Variants in DDX10 observed in about 807,000 individuals in gnomAD.
The protein encoded by DDX10 is probable ATP-dependent RNA helicase DDX10.
Under a neutral mutation model 104.3 loss-of-function variants are expected in DDX10, and 74 were observed. The observed-to-expected ratio is 0.71, with a 90% CI of 0.59 to 0.86. The LOEUF is 0.86. Ranked by LOEUF, DDX10 falls within the 40% of genes least tolerant of loss-of-function variation. DDX10 has a pLI of 0.00. For missense variants in DDX10, 952 were observed against 1,040.0 expected (o/e 0.92, Z 1.16); for synonymous variants, 351 against 353.4 (o/e 0.99, Z 0.08).
chr11:108,756,096 A>G (rs2094344128), intron 13 of DDX10, among the ~76,000 whole-genome samples: 1 of 151,966 alleles, frequency 6.6e-6, no homozygotes, highest in Non-Finnish European at 1.5e-5. Context: ...TTCTGGCTAT[A>G]CTGATTGTGT....
chr11:108,703,408 C>G (rs528220793), intron 9 of DDX10, among the ~76,000 whole-genome samples: 1 of 152,024 alleles, frequency 6.6e-6, no homozygotes, highest in Non-Finnish European at 1.5e-5. Context: ...CTGCTCACTG[C>G]AACCTCTGCC....
rs769948315 is a variant in DDX10, at chr11:108,678,870, ATTTTTTTTTTTT to A, written c.658+450_658+461del. ...ATTATCCTTCAGCTGGTTTCCCCTA[ATTTTTTTTTTTT>A]TTTTTTTTTTTTTTATACAGAGTTT... is the stretch of plus-strand genomic sequence containing the variant. On this transcript the variant is annotated intron_variant, in intron 5 of 17. Transcript: ENST00000322536. Among the ~76,000 whole-genome samples, 4 of 92,710 alleles carry A rather than the reference ATTTTTTTTTTTT, an allele frequency of 4.3e-5. No individual in the cohort carries two copies. In the South Asian group the frequency reaches 1.6e-3, roughly 37 times the overall value. 60.8% of individuals were successfully genotyped at this position (92,710 alleles called of 152,430 possible). A position where few individuals can be genotyped will look rare whatever the true frequency, so the allele number is the denominator to read the frequency against.
intron 13 of DDX10, among the ~76,000 whole-genome samples, chr11:108,807,090 A>G (rs1020753899): frequency 4.6e-5 from 7 of 152,178 alleles, no homozygotes; most frequent in Non-Finnish European, 1.0e-4. Context: ...GGTGCTGGAT[A>G]TTGTGGATGT....
At chr11:108,885,758 A>C (rs1863288619) in intron 16 of DDX10, among the ~76,000 whole-genome samples, 1 of 152,230 alleles carries the variant, frequency 6.6e-6, no homozygotes, top group African/African-American at 2.4e-5. Context: ...GTAGTAAGAT[A>C]AAATGCTTTT....
chr11:108,777,274 C>A (rs1041278271), intron 13 of DDX10, among the ~76,000 whole-genome samples: 2 of 152,094 alleles, frequency 1.3e-5, no homozygotes, highest in African/African-American at 4.8e-5. Flanking sequence ...GGAGCTAGAA[C>A]TCAGTCTCCA....
intron 13 of DDX10, among the ~76,000 whole-genome samples, chr11:108,724,753 A>ATT (rs1433705135): frequency 6.6e-6 from 1 of 152,116 alleles, no homozygotes; most frequent in Non-Finnish European, 1.5e-5. Flanking sequence ...AATACCATGA[A>ATT]TTGTTCACGT....
At chr11:108,923,641 A>C (rs982350775) in intron 17 of DDX10, among the ~76,000 whole-genome samples, 1 of 152,216 alleles carries the variant, frequency 6.6e-6, no homozygotes, top group South Asian at 2.1e-4. Flanking sequence ...TTTTTGTTCC[A>C]TGGAGGTTAC....
In DDX10 at chr11:108,940,920, A is replaced by G. The variant is rs1240443786; in HGVS notation, c.*497A>G. The G allele has an allele frequency of 5.4e-6, 1 of 186,252 alleles. No homozygotes were observed. Among genetic ancestry groups the G allele is most frequent in the African/African-American group, 2.3e-5 (1 of 42,686 alleles). The allele number at this position is 186,252 out of a possible 1,614,324, so 11.5% of individuals were successfully genotyped here. Reference sequence around the variant, plus strand: ...GATCAATAATAAACATATTTCCTATAAAAGAAAGTATTAATGTTTGCATTG... The same window carrying G: ...GATCAATAATAAACATATTTCCTATGAAAGAAAGTATTAATGTTTGCATTG... On this transcript the variant is annotated 3_prime_UTR_variant, in exon 18 of 18. Transcript: ENST00000322536.
At chr11:108,740,353 T>G (rs550526286) in intron 13 of DDX10, among the ~76,000 whole-genome samples, 2 of 152,350 alleles carry the variant, frequency 1.3e-5, no homozygotes, top group South Asian at 4.1e-4. Context: ...TTCCGATGTG[T>G]GTACATACCA....
At chr11:108,801,998 GAA>G (rs1467896616) in intron 13 of DDX10, among the ~76,000 whole-genome samples, 2 of 137,966 alleles carry the variant, frequency 1.4e-5, no homozygotes, top group Non-Finnish European at 3.1e-5. Context: ...GAAGGGGAGA[GAA>G]AGTGAGTGGG....
chr11:108,894,293 G>T (rs1409856657), intron 16 of DDX10, among the ~76,000 whole-genome samples: 1 of 152,016 alleles, frequency 6.6e-6, no homozygotes, highest in East Asian at 1.9e-4. Context: ...CATTCTCATT[G>T]TCTTTAAGGT....
intron 17 of DDX10, among the ~76,000 whole-genome samples, chr11:108,939,987 T>TA (rs1864085921): frequency 6.6e-6 from 1 of 152,156 alleles, no homozygotes; most frequent in Admixed American, 6.5e-5. Flanking sequence ...TTGTGGATGA[T>TA]ACAGCTGTAA....
chr11:108,909,550 A>G (rs1047726367), intron 16 of DDX10, among the ~76,000 whole-genome samples: 1 of 151,936 alleles, frequency 6.6e-6, no homozygotes, highest in Non-Finnish European at 1.5e-5. Context: ...TCCATAATAA[A>G]TGGGCAATCA....
At chr11:108,897,545 C>G (rs969160749) in intron 16 of DDX10, among the ~76,000 whole-genome samples, 4 of 152,304 alleles carry the variant, frequency 2.6e-5, no homozygotes, top group Non-Finnish European at 5.9e-5. Context: ...AATCAAACTT[C>G]TAGGCCGCCA....
intron 16 of DDX10, among the ~76,000 whole-genome samples, chr11:108,896,869 G>GA (rs201260268): frequency 2.0e-5 from 3 of 149,028 alleles, no homozygotes; most frequent in South Asian, 4.2e-4. Context: ...TGACTGGGGG[G>GA]AAAAAAAATC....
At chr11:108,723,710 G>GT (rs1426885092) in intron 13 of DDX10, among the ~76,000 whole-genome samples, 2 of 152,142 alleles carry the variant, frequency 1.3e-5, no homozygotes, top group Non-Finnish European at 2.9e-5. Context: ...CTGATGCTGT[G>GT]TTTTAAAAGT....
intron 16 of DDX10, among the ~76,000 whole-genome samples, chr11:108,876,193 G>A (rs566900944): frequency 3.0e-4 from 46 of 152,196 alleles, no homozygotes; most frequent in African/African-American, 1.1e-3. Flanking sequence ...TTCTGATTTG[G>A]TGTTGATTTT....
chr11:108,730,394 G>C (rs535232334), intron 13 of DDX10, among the ~76,000 whole-genome samples: 6 of 152,186 alleles, frequency 3.9e-5, no homozygotes, highest in African/African-American at 1.4e-4. Context: ...TGTCTTCCTG[G>C]GAAAACATAA....
chr11:108,819,825 C>G (rs990578035), intron 13 of DDX10, among the ~76,000 whole-genome samples: 10 of 152,182 alleles, frequency 6.6e-5, no homozygotes, highest in African/African-American at 2.4e-4. Flanking sequence ...TCTCGAACTC[C>G]TGACCTCAGG....
Sources: allele counts gnomAD v4.1 joint callset (sites outside exome capture counted in the v4.1 genomes callset), GRCh38; gene constraint gnomAD v4.1.1; transcripts MANE v1.5; gene names NCBI Gene and HGNC (gene_info 2026-07-23, HGNC 2026-07-21).